Variants in GSE1 observed in about 807,000 individuals in gnomAD.
GSE1 encodes Gse1 coiled-coil protein.
GSE1 carries 32 observed loss-of-function variants against 112.6 expected under a neutral mutation model. The ratio of observed to expected loss-of-function variants is 0.28; its 90% CI spans 0.21 to 0.38. The LOEUF (loss-of-function observed/expected upper bound fraction) is 0.38. GSE1 is among the 10% of genes least tolerant of loss of function. GSE1 has a pLI of 1.00. For missense variants in GSE1, 2,348 were observed against 1,699.2 expected (o/e 1.38, Z -6.71); for synonymous variants, 1,115 against 735.6 (o/e 1.52, Z -8.35).
intron 8 of GSE1, among the ~76,000 whole-genome samples, chr16:85,658,527 C>T (rs1158576824): frequency 6.6e-6 from 1 of 152,208 alleles, no homozygotes; most frequent in African/African-American, 2.4e-5. Flanking sequence ...AAAATCTGTC[C>T]TCCCTTCTGC....
chr16:85,307,957 C>T (rs2045726627), intron 1 of GSE1, among the ~76,000 whole-genome samples: 1 of 152,174 alleles, frequency 6.6e-6, no homozygotes, highest in Admixed American at 6.5e-5. Context: ...AATTTGGATT[C>T]AGCTGTGAAG....
intron 1 of GSE1, among the ~76,000 whole-genome samples, chr16:85,218,872 G>C (rs2075345609): frequency 6.6e-6 from 1 of 152,160 alleles, no homozygotes; most frequent in South Asian, 2.1e-4. Context: ...TATTCTGACA[G>C]TCCATGCGGA....
chr16:85,531,613 C>G (rs376477124), intron 2 of GSE1, among the ~76,000 whole-genome samples: 9 of 152,342 alleles, frequency 5.9e-5, no homozygotes, highest in East Asian at 1.9e-4. Flanking sequence ...TGCCTGCCCC[C>G]CTTCCGCCCT....
chr16:85,452,512 G>C (rs1489231751), intron 2 of GSE1, among the ~76,000 whole-genome samples: 1 of 152,224 alleles, frequency 6.6e-6, no homozygotes, highest in Non-Finnish European at 1.5e-5. Context: ...ATTTTTCAAA[G>C]CTACCCCGGC....
At chr16:85,191,448 T>G (rs896541490) in intron 1 of GSE1, among the ~76,000 whole-genome samples, 1 of 152,144 alleles carries the variant, frequency 6.6e-6, no homozygotes, top group African/African-American at 2.4e-5. Context: ...CCTGGCCACA[T>G]TAGCTTTCAT....
chr16:85,414,589 G>C (rs2048660926), intron 2 of GSE1, among the ~76,000 whole-genome samples: 1 of 152,204 alleles, frequency 6.6e-6, no homozygotes, highest in South Asian at 2.1e-4. Flanking sequence ...AAGGGAGACA[G>C]CATCATAATT....
intron 1 of GSE1, among the ~76,000 whole-genome samples, chr16:85,216,077 C>T (rs540491902): frequency 1.6e-4 from 25 of 152,376 alleles, no homozygotes; most frequent in African/African-American, 4.6e-4. Context: ...CCCACCCTGC[C>T]TCTGCCTGCT....
At chr16:85,335,822 C>T (rs1052213277) in intron 1 of GSE1, among the ~76,000 whole-genome samples, 12 of 150,190 alleles carry the variant, frequency 8.0e-5, no homozygotes, top group African/African-American at 2.9e-4. Flanking sequence ...GGCCTCCAAG[C>T]AGCCGGGCGC....
At chr16:85,191,994 G>A (rs891222906) in intron 1 of GSE1, among the ~76,000 whole-genome samples, 8 of 152,308 alleles carry the variant, frequency 5.3e-5, no homozygotes, top group Admixed American at 1.3e-4. Flanking sequence ...GAATCTTTCC[G>A]AAGTCTAAGC....
intron 1 of GSE1, among the ~76,000 whole-genome samples, chr16:85,305,122 A>G (rs558899632): frequency 6.6e-6 from 1 of 152,172 alleles, no homozygotes; most frequent in African/African-American, 2.4e-5. Flanking sequence ...TGCCCTAGGC[A>G]AGCAGCTCCC....
At chr16:85,487,638 A>G (rs1281411344) in intron 2 of GSE1, among the ~76,000 whole-genome samples, 7 of 152,036 alleles carry the variant, frequency 4.6e-5, no homozygotes, top group Non-Finnish European at 1.0e-4. Flanking sequence ...CCCCAAGTCC[A>G]GGATGGGAAT....
chr16:85,562,638 G>T (rs996923159), intron 1 of GSE1, among the ~76,000 whole-genome samples: 2 of 152,262 alleles, frequency 1.3e-5, no homozygotes, highest in Admixed American at 6.5e-5. Flanking sequence ...CCGGGAAGGG[G>T]AGGACGTGTC....
chr16:85,356,771 C>T (rs13336994), intron 1 of GSE1, among the ~76,000 whole-genome samples: 26,996 of 152,174 alleles, frequency 0.18, 2,682 homozygotes, highest in East Asian at 0.38. Flanking sequence ...GGATTACAGG[C>T]GGGAGCCACC....
intron 2 of GSE1, among the ~76,000 whole-genome samples, chr16:85,506,012 T>C (rs541061287): frequency 6.6e-6 from 1 of 151,084 alleles, no homozygotes; most frequent in South Asian, 2.1e-4. Context: ...CTCCAGTTTG[T>C]GTGCAGGTTT....
At chr16:85,172,929 C>T (rs1018143093) in intron 1 of GSE1, among the ~76,000 whole-genome samples, 3 of 152,222 alleles carry the variant, frequency 2.0e-5, no homozygotes, top group African/African-American at 4.8e-5. Flanking sequence ...CCCCGATACG[C>T]GGCCCCTGTC....
At chr16:85,592,316 A>G (rs1179619445) in intron 1 of GSE1, 2 of 151,818 alleles carry the variant, frequency 1.3e-5, no homozygotes, top group South Asian at 2.1e-4. Flanking sequence ...TGCCCAGCTA[A>G]TTTTTGTATT....
intron 1 of GSE1, among the ~76,000 whole-genome samples, chr16:85,211,678 G>C (rs989528578): frequency 1.3e-5 from 2 of 152,212 alleles, no homozygotes; most frequent in Admixed American, 1.3e-4. Flanking sequence ...GGGGTGGAGT[G>C]AGATCCTGGG....
At chr16:85,493,317 G>T (rs988724726) in intron 2 of GSE1, among the ~76,000 whole-genome samples, 1 of 151,988 alleles carries the variant, frequency 6.6e-6, no homozygotes, top group African/African-American at 2.4e-5. Context: ...GCAGGGTGGT[G>T]CACATCTGTA....
At chr16:85,572,526 A>G (rs954461193) in intron 1 of GSE1, among the ~76,000 whole-genome samples, 2 of 151,952 alleles carry the variant, frequency 1.3e-5, no homozygotes, top group African/African-American at 4.8e-5. Context: ...CACACACCGC[A>G]CACACATACA....
Sources: allele counts gnomAD v4.1 joint callset (sites outside exome capture counted in the v4.1 genomes callset), GRCh38; gene constraint gnomAD v4.1.1; transcripts MANE v1.5; gene names NCBI Gene and HGNC (gene_info 2026-07-23, HGNC 2026-07-21).